The following ABCA1 variants were observed in gnomAD, a reference collection of about 807,000 sequenced individuals.
ABCA1 encodes the protein phospholipid-transporting ATPase ABCA1.
A neutral mutation model predicts 262.5 loss-of-function variants in ABCA1; 133 were observed. That is an observed-to-expected ratio of 0.51 (90% confidence interval 0.44 to 0.59). The LOEUF (loss-of-function observed/expected upper bound fraction) is 0.59. Among genes scored for constraint, ABCA1 ranks in the 20% least tolerant of loss-of-function variants. The pLI is 0.00. For synonymous variants in ABCA1, 1,022 were observed against 1,043.5 expected, an observed-to-expected ratio of 0.98 and a Z score of 0.40; for missense variants, 2,452 against 2,777.5, an observed-to-expected ratio of 0.88 and a Z score of 2.63.
In ABCA1 at chr9:104,791,040, A is replaced by T; in HGVS notation, c.5821-12T>A. 2 of 1,604,002 alleles carry T rather than the reference A, an allele frequency of 1.2e-6. No homozygotes were observed. The highest frequency in any genetic ancestry group is 1.7e-6 in the Non-Finnish European group (2 of 1,171,000). On this transcript the variant is annotated splice_polypyrimidine_tract_variant and intron_variant, in intron 43 of 49. Transcript: ENST00000374736. ...AGGAGCCCAAAGCACTGAAAAGGAA[A>T]GATTAAGTTGTATAAGCAAACTCTA...
chr9:104,800,605 C>T, intron 34 of ABCA1, 21 bp from the exon 35 acceptor site: 1 of 1,612,174 alleles, frequency 6.2e-7, no homozygotes, highest in East Asian at 2.2e-5. Flanking sequence ...CAGAAACCTG[C>T]CTCAGTTGTG....
At chr9:104,821,640 G>A (rs1284101851) in intron 19 of ABCA1, 134 bp from the exon 20 acceptor site, 33 of 1,039,318 alleles carry the variant, frequency 3.2e-5, no homozygotes, top group Non-Finnish European at 4.5e-5. Flanking sequence ...AACCCTACCA[G>A]ACCCACACAA....
At chr9:104,797,840 A>G (rs757023838) in intron 37 of ABCA1, among the ~76,000 whole-genome samples, 1 of 152,228 alleles carries the variant, frequency 6.6e-6, no homozygotes, top group Non-Finnish European at 1.5e-5. Context: ...TGCTCTGTGT[A>G]GCTTATAATT....
Position 104,793,236 on chromosome 9 carries a change from G to C in ABCA1, c.5571C>G (p.Ala1857=). The part of the protein sequence containing the change: ...DLVGRNLFAM[A]VEGVVFFLIT... ...TGAGGAAGAACACCACCCCTTCCAC[G>C]GCCATGGCGAAGAGGTTTCGTCCCA... The change falls in exon 41 of 50, where the codon GCC becomes GCG. Residue 1857 remains alanine, a synonymous_variant. Transcript: ENST00000374736. The C allele has an allele frequency of 6.2e-7, 1 of 1,614,012 alleles. No homozygotes were observed. The highest frequency in any genetic ancestry group is 8.5e-7 in the Non-Finnish European group (1 of 1,179,988).
intron 19 of ABCA1, among the ~76,000 whole-genome samples, chr9:104,822,101 G>C (rs1832412880): frequency 1.3e-5 from 2 of 152,168 alleles, no homozygotes; most frequent in African/African-American, 4.8e-5. Flanking sequence ...TGAGGTCGCA[G>C]GGAAGGCAAT....
intron 40 of ABCA1, among the ~76,000 whole-genome samples, chr9:104,793,717 C>T (rs1380911584): frequency 1.3e-5 from 2 of 152,008 alleles, no homozygotes; most frequent in African/African-American, 4.8e-5. Context: ...AGCATATATC[C>T]TAGTGAATCA....
intron 11 of ABCA1, among the ~76,000 whole-genome samples, chr9:104,835,289 A>G (rs1332010150): frequency 6.6e-6 from 1 of 151,468 alleles, no homozygotes; most frequent in African/African-American, 2.4e-5. Context: ...AGCAAAGAAA[A>G]CAGTTGGAAG....
chr9:104,817,162 A>AG lies in ABCA1; in HGVS notation c.3535+169dup. On this transcript the variant is annotated intron_variant, in intron 24 of 49. Coordinates refer to ENST00000374736, the MANE Select transcript of ABCA1 (RefSeq NM_005502.4). The surrounding 1 kb of genome is among the most constrained non-coding windows in gnomAD (Gnocchi z 4.7). ...AGCCCCAGGCACCCCAGCAAGCATT[A>AG]GGCCAACCCGCCACCAAGCTGCTCC... 1.0e-6 allele frequency: 1 copy of AG among 974,212 alleles called. No individual in the cohort carries two copies. The highest frequency in any genetic ancestry group is 4.7e-5 in the South Asian group (1 of 21,054). The allele number at this position is 974,212 out of a possible 1,614,324, so 60.3% of individuals were successfully genotyped here.
Position 104,874,864 on chromosome 9 carries a change from G to A in ABCA1, c.421+8175C>T, listed in dbSNP as rs535499316. Among the ~76,000 whole-genome samples the A allele has an allele frequency of 2.1e-4, 30 of 140,928 alleles. 1 individual carries two copies. Among genetic ancestry groups the A allele is most frequent in the African/African-American group, 8.5e-4 (27 of 31,766 alleles). The allele number at this position is 140,928 out of a possible 152,430, so 92.5% of individuals were successfully genotyped here. A position where few individuals can be genotyped will look rare whatever the true frequency, so the allele number is the denominator to read the frequency against. On this transcript the variant is annotated intron_variant, in intron 5 of 49. Coordinates refer to ENST00000374736, the MANE Select transcript of ABCA1 (RefSeq NM_005502.4). ...CCCGGCCAGCCACCCCGTCCGGGAG[G>A]GAGGTGGGGGGCAGCCCCCGCCCGG... is the stretch of plus-strand genomic sequence containing the variant.
At chr9:104,844,099 C>G (rs1239286692) in intron 8 of ABCA1, among the ~76,000 whole-genome samples, 3 of 151,632 alleles carry the variant, frequency 2.0e-5, no homozygotes, top group African/African-American at 4.8e-5. Context: ...TTAGAGGCAG[C>G]CTCCCCTGTT....
chr9:104,849,525 A>G lies in ABCA1; in HGVS notation c.721-3956T>C, dbSNP rs531339615. Among the ~76,000 whole-genome samples, 6 of 152,340 alleles carry G rather than the reference A, an allele frequency of 3.9e-5. No individual in the cohort carries two copies. In the East Asian group the frequency reaches 1.2e-3, roughly 29 times the overall value. ...ATTCGAGATTAAGTGCTCAGCATTT[A>G]CTAATAATATTGGCAATCTGTAGTC... On this transcript the variant is annotated intron_variant, in intron 7 of 49. Transcript: ENST00000374736.
At chr9:104,808,703 T>C (rs1831009522) in intron 30 of ABCA1, among the ~76,000 whole-genome samples, 1 of 152,204 alleles carries the variant, frequency 6.6e-6, no homozygotes, top group African/African-American at 2.4e-5. Context: ...CATTGAAACT[T>C]GAAAGTCAAG....
At chr9:104,891,865 T>G (rs1290199868) in intron 2 of ABCA1, among the ~76,000 whole-genome samples, 2 of 147,278 alleles carry the variant, frequency 1.4e-5, no homozygotes, top group Admixed American at 7.0e-5. Flanking sequence ...CTTGGGAGGC[T>G]GAGGCAGGAG....
chr9:104,890,108 C>G (rs569288440), intron 2 of ABCA1, among the ~76,000 whole-genome samples: 2 of 152,278 alleles, frequency 1.3e-5, no homozygotes, highest in Non-Finnish European at 1.5e-5. Context: ...TCTATCACCT[C>G]TCCCATTCCT....
chr9:104,796,573 A>T, intron 37 of ABCA1, 149 bp from the exon 38 acceptor site: 3 of 727,098 alleles, frequency 4.1e-6, no homozygotes, highest in Non-Finnish European at 7.5e-6. Flanking sequence ...CTATTAATCA[A>T]AATACCCGAC....
At chr9:104,880,293 T>C (rs562626091) in intron 5 of ABCA1, among the ~76,000 whole-genome samples, 2 of 152,270 alleles carry the variant, frequency 1.3e-5, no homozygotes, top group South Asian at 2.1e-4. Flanking sequence ...TACTGACATA[T>C]GCCAGTCTCA....
At chr9:104,827,631 C>G (rs1251056322) in intron 15 of ABCA1, among the ~76,000 whole-genome samples, 1 of 152,208 alleles carries the variant, frequency 6.6e-6, no homozygotes, top group Non-Finnish European at 1.5e-5. Context: ...CATCCAAACT[C>G]TTGTGGATAT....
At chr9:104,811,047 G>C in intron 28 of ABCA1, 123 bp from the exon 29 acceptor site, 1 of 1,411,346 alleles carries the variant, frequency 7.1e-7, no homozygotes. Context: ...CGGCAATGAG[G>C]AATGCAGGGC....
rs1833446762 is a variant in ABCA1, at chr9:104,832,656, G to T, written c.1427C>A (p.Ser476Tyr). The part of the protein sequence containing the change: ...FLAKHPEDVQ[S>Y]SNGSVYTWRE... ...CCAGGTGTACACAGAACCATTACTG[G>T]ACTGGACATCCTCTGGGTGCTTGGC... The change falls in exon 12 of 50, where the codon TCC (serine) becomes TAC (tyrosine). Residue 476 changes from serine (S) to tyrosine (Y), a missense_variant. Transcript: ENST00000374736. The T allele has an allele frequency of 1.2e-6, 2 of 1,614,008 alleles. No homozygotes were observed. The highest frequency in any genetic ancestry group is 3.3e-5 in the Admixed American group (2 of 59,996).
Sources: allele counts gnomAD v4.1 joint callset (sites outside exome capture counted in the v4.1 genomes callset), GRCh38; gene constraint gnomAD v4.1.1; non-coding constraint Gnocchi (gnomAD v3.1); transcripts MANE v1.5; gene names NCBI Gene and HGNC (gene_info 2026-07-23, HGNC 2026-07-21).